GALNTL5: variants seen among roughly 807,000 people sequenced by gnomAD.
GALNTL5 encodes inactive polypeptide N-acetylgalactosaminyltransferase-like protein 5.
Under a neutral mutation model 51.0 loss-of-function variants are expected in GALNTL5, and 44 were observed. That is an observed-to-expected ratio of 0.86 (90% CI 0.68 to 1.11). The LOEUF is 1.11. GALNTL5 is among the 50% of genes least tolerant of loss of function. The pLI, the probability that GALNTL5 is intolerant of heterozygous loss-of-function variation, is 0.00. For missense variants in GALNTL5, 528 were observed against 531.8 expected (o/e 0.99, Z 0.07); for synonymous variants, 192 against 182.8 (o/e 1.05, Z -0.41).
chr7:151,968,438 G>T (rs1441541610), intron 2 of GALNTL5, among the ~76,000 whole-genome samples: 1 of 152,084 alleles, frequency 6.6e-6, no homozygotes, highest in Non-Finnish European at 1.5e-5. Context: ...TGCTCTGAAC[G>T]GCCCTCCCAC....
intron 5 of GALNTL5, chr7:151,995,236 A>T (rs2081482523): frequency 6.6e-6 from 1 of 151,862 alleles, no homozygotes; most frequent in Non-Finnish European, 1.5e-5. Flanking sequence ...ATGCAGGCAG[A>T]TGGATAACCC....
intron 3 of GALNTL5, among the ~76,000 whole-genome samples, chr7:151,979,756 C>CACA (rs2081256211): frequency 6.6e-6 from 1 of 151,990 alleles, no homozygotes. Flanking sequence ...TGCACCTGGC[C>CACA]AGGAAAGTTT....
rs755335413 is a variant in GALNTL5, at chr7:152,007,940, T to C, written c.1022T>C (p.Leu341Pro). Residue 341 changes from leucine to proline, a missense_variant, in exon 7 of 9, where the codon CTA (leucine) becomes CCA (proline). Coordinates refer to ENST00000392800, the MANE Select transcript of GALNTL5 (RefSeq NM_145292.4). ...GGAAGAGAAAATTTGGAACTTTCACTAAGGGTAATTCAGATTTCATTTTTA... is the reference window on the plus strand; with the variant it reads ...GGAAGAGAAAATTTGGAACTTTCACCAAGGGTAATTCAGATTTCATTTTTA... ...FWGRENLELS[L>P]RIWMCGGQLF... is the part of the protein sequence containing the mutation. 2 of 1,464,542 alleles carry C rather than the reference T, an allele frequency of 1.4e-6. No homozygotes were observed. The highest frequency in any genetic ancestry group is 1.1e-5 in the South Asian group (1 of 87,518). The allele number at this position is 1,464,542 out of a possible 1,614,324, so 90.7% of individuals were successfully genotyped here.
intron 5 of GALNTL5, among the ~76,000 whole-genome samples, chr7:151,992,112 TA>T (rs950317547): frequency 6.6e-6 from 1 of 152,212 alleles, no homozygotes; most frequent in Non-Finnish European, 1.5e-5. Flanking sequence ...TTTGATCTTG[TA>T]AATAGAAACC....
intron 4 of GALNTL5, among the ~76,000 whole-genome samples, chr7:151,986,255 C>T (rs991513021): frequency 6.6e-6 from 1 of 152,106 alleles, no homozygotes; most frequent in Non-Finnish European, 1.5e-5. Context: ...ACCCAGATTG[C>T]GCCAAAGCTC....
rs550869359 is a variant in GALNTL5, at chr7:152,000,609, C to T, written c.659-2105C>T. Among the ~76,000 whole-genome samples, 29 of 152,236 alleles carry T rather than the reference C, an allele frequency of 1.9e-4. 1 individual carries two copies. Among genetic ancestry groups the T allele is most frequent in the Admixed American group, 1.3e-3 (20 of 15,290 alleles). The stretch of plus-strand genomic sequence containing the variant: ...TATTGTCTGTCTTTTTCATTCTTGC[C>T]GTCCTAGTGGATGTAAAGGGATACC... On this transcript the variant is annotated intron_variant, in intron 5 of 8. Transcript: ENST00000392800.
At chr7:152,005,656 G>T (rs1373359811) in intron 6 of GALNTL5, among the ~76,000 whole-genome samples, 2 of 152,092 alleles carry the variant, frequency 1.3e-5, no homozygotes, top group Non-Finnish European at 2.9e-5. Context: ...ATTTCTTCTG[G>T]TTTTGGAAAA....
chr7:152,014,824 T>A (rs375829428), intron 8 of GALNTL5, 31 bp downstream of exon 8: 15 of 1,580,772 alleles, frequency 9.5e-6, no homozygotes, highest in East Asian at 6.8e-5. Flanking sequence ...TTGGAAAATG[T>A]ATGCGAGGCC....
At chr7:152,001,364 C>T (rs1019739268) in intron 5 of GALNTL5, among the ~76,000 whole-genome samples, 7 of 152,132 alleles carry the variant, frequency 4.6e-5, no homozygotes, top group African/African-American at 1.7e-4. Context: ...TAAATATATG[C>T]TTATGTTTCC....
intron 5 of GALNTL5, among the ~76,000 whole-genome samples, chr7:151,988,888 C>A (rs374863080): frequency 6.6e-6 from 1 of 151,780 alleles, no homozygotes; most frequent in Admixed American, 6.6e-5. Context: ...CTAGTAGAGA[C>A]GGGGTTTTGC....
At chr7:151,985,084 T>C (rs944344609) in intron 4 of GALNTL5, among the ~76,000 whole-genome samples, 7 of 152,140 alleles carry the variant, frequency 4.6e-5, no homozygotes, top group African/African-American at 9.7e-5. Context: ...TCCTGGGTGA[T>C]AGACAGCCAT....
At chr7:152,007,520 G>A (rs532409435) in intron 6 of GALNTL5, among the ~76,000 whole-genome samples, 1 of 146,992 alleles carries the variant, frequency 6.8e-6, no homozygotes, top group African/African-American at 2.5e-5. Context: ...CCAGGTACAA[G>A]CGATTCTCCT....
At position 152,019,851 on chromosome 7, in the gene GALNTL5, A is replaced by T; in HGVS notation, c.*50A>T. ...ATAAAGGGTTAAAAGTCTCCTAGTC[A>T]TTCAACATAGTGTCACAAGAGTGTA... On this transcript the variant is annotated 3_prime_UTR_variant, in exon 9 of 9. Coordinates refer to ENST00000392800, the MANE Select transcript of GALNTL5 (RefSeq NM_145292.4). 1 of 1,480,178 alleles carries T rather than the reference A, an allele frequency of 6.8e-7. No homozygotes were observed. Among genetic ancestry groups the T allele is most frequent in the Non-Finnish European group, 9.3e-7 (1 of 1,076,590 alleles). The allele number at this position is 1,480,178 out of a possible 1,614,324, so 91.7% of individuals were successfully genotyped here.
chr7:151,991,083 TTTG>T (rs746410487), intron 5 of GALNTL5, among the ~76,000 whole-genome samples: 5 of 149,694 alleles, frequency 3.3e-5, no homozygotes, highest in Admixed American at 6.6e-5. Flanking sequence ...TACTGTTCTT[TTTG>T]TTGTTGTTGT....
At chr7:151,973,423 C>A (rs1225712038) in intron 3 of GALNTL5, among the ~76,000 whole-genome samples, 1 of 152,006 alleles carries the variant, frequency 6.6e-6, no homozygotes, top group Admixed American at 6.5e-5. Flanking sequence ...CAAGTTCACA[C>A]CACTGCACTC....
At chr7:151,975,132 T>C (rs2081190990) in intron 3 of GALNTL5, among the ~76,000 whole-genome samples, 1 of 152,176 alleles carries the variant, frequency 6.6e-6, no homozygotes, top group South Asian at 2.1e-4. Context: ...CCTTAATTTT[T>C]TGGAAGAGTT....
chr7:151,967,393 A>G lies in GALNTL5; in HGVS notation c.147A>G (p.Gly49=). 6.2e-7 allele frequency: 1 copy of G among 1,613,898 alleles called. No individual in the cohort carries two copies. The highest frequency in any genetic ancestry group is 8.5e-7 in the Non-Finnish European group (1 of 1,179,816). Residue 49 remains glycine, a synonymous_variant, in exon 2 of 9, where the codon GGA becomes GGG. Coordinates refer to ENST00000392800, the MANE Select transcript of GALNTL5 (RefSeq NM_145292.4). The part of the protein sequence containing the change: ...SQEPLSAWSP[G]KKVHQQIIYG... ...AGCCTCTGTCAGCTTGGTCCCCTGG[A>G]AAAAAAGTGCATCAGCAAATTATCT...
At chr7:152,016,373 C>T (rs1277414061) in intron 8 of GALNTL5, among the ~76,000 whole-genome samples, 1 of 150,258 alleles carries the variant, frequency 6.7e-6, no homozygotes, top group Admixed American at 6.6e-5. Flanking sequence ...CGTTGCACTT[C>T]AGCCTGGGCA....
chr7:151,990,716 A>T (rs1385146101), intron 5 of GALNTL5, among the ~76,000 whole-genome samples: 4 of 151,872 alleles, frequency 2.6e-5, no homozygotes, highest in Non-Finnish European at 5.9e-5. Flanking sequence ...CCATTTCCCG[A>T]CCAAGGCTCT....
Sources: allele counts gnomAD v4.1 joint callset (sites outside exome capture counted in the v4.1 genomes callset), GRCh38; gene constraint gnomAD v4.1.1; transcripts MANE v1.5; gene names NCBI Gene and HGNC (gene_info 2026-07-23, HGNC 2026-07-21).